Variants in PPFIBP1 observed in about 807,000 individuals in gnomAD.
PPFIBP1 encodes the protein PPFIB scaffold protein 1.
Under a neutral mutation model 137.8 loss-of-function variants are expected in PPFIBP1, and 112 were observed. The ratio of observed to expected loss-of-function variants is 0.81; its 90% CI spans 0.70 to 0.95. The LOEUF (loss-of-function observed/expected upper bound fraction) is 0.95. PPFIBP1 is among the 40% of genes least tolerant of loss of function. The probability of loss-of-function intolerance (pLI) is 0.00; values close to 1 mark genes in which losing one functional copy is unlikely to be tolerated. For synonymous variants in PPFIBP1, 378 were observed against 417.3 expected (o/e 0.91, Z 1.15); for missense variants, 1,083 against 1,196.6 (o/e 0.91, Z 1.40).
chr12:27,599,532 G>A (rs948580492), intron 2 of PPFIBP1: 6 of 454,452 alleles, frequency 1.3e-5, no homozygotes, highest in Admixed American at 2.4e-5. Context: ...CTTCCCTCCT[G>A]CCTTCCTTCC....
intron 2 of PPFIBP1, among the ~76,000 whole-genome samples, chr12:27,589,126 G>T (rs1245284227): frequency 6.6e-6 from 1 of 152,178 alleles, no homozygotes; most frequent in Non-Finnish European, 1.5e-5. Context: ...AGGTTGTCCT[G>T]CATGCTATAT....
intron 12 of PPFIBP1, among the ~76,000 whole-genome samples, chr12:27,664,851 T>C (rs1035776618): frequency 6.6e-6 from 1 of 152,058 alleles, no homozygotes; most frequent in Non-Finnish European, 1.5e-5. Context: ...GGGGTGGAGT[T>C]AAGCTCTTGC....
At chr12:27,690,477 C>T (rs2061466369) in intron 27 of PPFIBP1, among the ~76,000 whole-genome samples, 1 of 152,208 alleles carries the variant, frequency 6.6e-6, no homozygotes, top group African/African-American at 2.4e-5. Flanking sequence ...TGGCTCATGC[C>T]TGTAGTCCCA....
chr12:27,595,603 C>A (rs2053120173), intron 2 of PPFIBP1, among the ~76,000 whole-genome samples: 1 of 152,002 alleles, frequency 6.6e-6, no homozygotes, highest in Non-Finnish European at 1.5e-5. Context: ...GCTTATAATC[C>A]CAGCACTTTG....
chr12:27,658,482 A>C (rs1403749687), intron 9 of PPFIBP1, among the ~76,000 whole-genome samples: 1 of 152,202 alleles, frequency 6.6e-6, no homozygotes, highest in Non-Finnish European at 1.5e-5. Context: ...ATGGAAATAT[A>C]AAAACAAAGT....
At chr12:27,526,489 T>A (rs1031940138) in intron 1 of PPFIBP1, among the ~76,000 whole-genome samples, 1 of 152,208 alleles carries the variant, frequency 6.6e-6, no homozygotes, top group African/African-American at 2.4e-5. Flanking sequence ...GGATCAGTTT[T>A]TGGTTAAATT....
intron 2 of PPFIBP1, among the ~76,000 whole-genome samples, chr12:27,614,922 A>G (rs1287191136): frequency 6.6e-6 from 1 of 152,252 alleles, no homozygotes; most frequent in Non-Finnish European, 1.5e-5. Flanking sequence ...TAACTAAAAG[A>G]AGCAACTGGT....
intron 4 of PPFIBP1, among the ~76,000 whole-genome samples, chr12:27,640,348 G>C (rs991085989): frequency 6.6e-6 from 1 of 152,212 alleles, no homozygotes; most frequent in African/African-American, 2.4e-5. Context: ...CAAAGTGGAA[G>C]AGAGATTCCT....
intron 27 of PPFIBP1, 101 bp downstream of exon 27, chr12:27,689,304 G>T: frequency 2.6e-6 from 3 of 1,166,392 alleles, no homozygotes; most frequent in Non-Finnish European, 3.5e-6. Flanking sequence ...AAGTTTTGTG[G>T]GTGGGTTCCT....
intron 2 of PPFIBP1, among the ~76,000 whole-genome samples, chr12:27,592,004 A>G (rs557958207): frequency 1.3e-4 from 20 of 152,384 alleles, no homozygotes; most frequent in African/African-American, 4.8e-4. Context: ...GGTTAACTAG[A>G]GTAAAATACA....
In PPFIBP1 at chr12:27,679,735, C is replaced by G. The variant is rs1192897289; in HGVS notation, c.1766+96C>G. The G allele has an allele frequency of 8.3e-6, 12 of 1,444,834 alleles. No individual in the cohort carries two copies. The Admixed American group carries it at 2.5e-4, about 30-fold the overall frequency. 89.5% of individuals were successfully genotyped at this position (1,444,834 alleles called of 1,614,324 possible). A position where few individuals can be genotyped will look rare whatever the true frequency, so the allele number is the denominator to read the frequency against. The stretch of plus-strand genomic sequence containing the variant: ...ATGGACTTTGTAAGGCCTTTGTATT[C>G]CTCTTATGGAAGGAAGTTTGGATTG... On this transcript the variant is annotated intron_variant, in intron 20 of 29. Transcript: ENST00000228425.
intron 4 of PPFIBP1, among the ~76,000 whole-genome samples, chr12:27,637,536 T>C (rs2346754): frequency 0.59 from 89,164 of 151,770 alleles, 26,711 homozygotes; most frequent in Admixed American, 0.65. Context: ...ATTTTTGTTG[T>C]TGTTGCTAAA....
chr12:27,673,973 A>G lies in PPFIBP1; in HGVS notation c.1380+146A>G, dbSNP rs371577334. On this transcript the variant is annotated intron_variant, in intron 16 of 29. Coordinates refer to ENST00000228425, the MANE Select transcript of PPFIBP1 (RefSeq NM_003622.4). Reference sequence around the variant, plus strand: ...AAAATTATTAGATGTTAGGTTTAACAGTAAATATTAAGAAGTATGAATATG... The same window carrying G: ...AAAATTATTAGATGTTAGGTTTAACGGTAAATATTAAGAAGTATGAATATG... 8.1e-4 allele frequency: 666 copies of G among 819,312 alleles called. 1 individual carries two copies. Among genetic ancestry groups the G allele is most frequent in the Non-Finnish European group, 8.6e-4 (443 of 517,914 alleles). The allele number at this position is 819,312 out of a possible 1,614,324, so 50.8% of individuals were successfully genotyped here. A position where few individuals can be genotyped will look rare whatever the true frequency, so the allele number is the denominator to read the frequency against.
At chr12:27,545,054 A>G (rs1298797285) in intron 1 of PPFIBP1, among the ~76,000 whole-genome samples, 1 of 152,264 alleles carries the variant, frequency 6.6e-6, no homozygotes, top group African/African-American at 2.4e-5. Flanking sequence ...CTATGCAGCC[A>G]TAAAAAAGAA....
At chr12:27,629,573 G>A (rs2057117781) in intron 2 of PPFIBP1, among the ~76,000 whole-genome samples, 2 of 152,072 alleles carry the variant, frequency 1.3e-5, no homozygotes, top group South Asian at 4.1e-4. Context: ...CTCTACTGTA[G>A]AATAATATTC....
intron 5 of PPFIBP1, among the ~76,000 whole-genome samples, chr12:27,647,047 A>G (rs1395811708): frequency 6.6e-6 from 1 of 152,122 alleles, no homozygotes; most frequent in Admixed American, 6.5e-5. Context: ...TGTTGCCGAG[A>G]CGGGAGTGCA....
At chr12:27,626,182 G>T (rs766803493) in intron 2 of PPFIBP1, among the ~76,000 whole-genome samples, 12 of 152,118 alleles carry the variant, frequency 7.9e-5, no homozygotes, top group Non-Finnish European at 1.5e-5. Flanking sequence ...GACAGATACA[G>T]AGCAGAGAAA....
At position 27,679,533 on chromosome 12, in the gene PPFIBP1, GCTT is replaced by G; in HGVS notation, c.1666_1668del (p.Ser556del). The G allele has an allele frequency of 1.2e-6, 2 of 1,614,082 alleles. No homozygotes were observed. The highest frequency in any genetic ancestry group is 1.1e-5 in the South Asian group (1 of 91,076). Reference sequence around the variant, plus strand: ...AGCAGAGCACCTAGATCTGGCTGGTGCTTCTTCTCGGCCAAAAGATTCACAGAG... The same window carrying G: ...AGCAGAGCACCTAGATCTGGCTGGTGCTTCTCGGCCAAAAGATTCACAGAG... On this transcript the variant is annotated inframe_deletion, in exon 20 of 30. Transcript: ENST00000228425.
chr12:27,591,888 C>T (rs2052559545), intron 2 of PPFIBP1, among the ~76,000 whole-genome samples: 2 of 152,204 alleles, frequency 1.3e-5, no homozygotes, highest in African/African-American at 4.8e-5. Flanking sequence ...CTCAGTGACT[C>T]AATACCTACT....
Sources: allele counts gnomAD v4.1 joint callset (sites outside exome capture counted in the v4.1 genomes callset), GRCh38; gene constraint gnomAD v4.1.1; transcripts MANE v1.5; gene names NCBI Gene and HGNC (gene_info 2026-07-23, HGNC 2026-07-21).